Variants in GBE1 observed in about 807,000 individuals in gnomAD.
GBE1 encodes the protein 1,4-alpha-glucan branching enzyme 1, also known as 1,4-alpha-glucan-branching enzyme.
A neutral mutation model predicts 88.8 loss-of-function variants in GBE1; 70 were observed. The observed-to-expected ratio is 0.79, with a 90% CI of 0.65 to 0.96. GBE1 has a LOEUF of 0.96. Among genes scored for constraint, GBE1 ranks in the 40% least tolerant of loss-of-function variants. The pLI, the probability that GBE1 is intolerant of heterozygous loss-of-function variation, is 0.00. For missense variants in GBE1, 872 were observed against 871.0 expected, an observed-to-expected ratio of 1.00 and a Z score of -0.01; for synonymous variants, 284 against 300.1, an observed-to-expected ratio of 0.95 and a Z score of 0.56.
At chr3:81,594,664 C>T (rs1301132591) in intron 7 of GBE1, among the ~76,000 whole-genome samples, 1 of 151,884 alleles carries the variant, frequency 6.6e-6, no homozygotes, top group Admixed American at 6.6e-5. Context: ...AACCTAATTA[C>T]CAAAAACCAC....
intron 7 of GBE1, among the ~76,000 whole-genome samples, chr3:81,624,631 CT>C (rs1704378117): frequency 6.6e-6 from 1 of 151,996 alleles, no homozygotes; most frequent in African/African-American, 2.4e-5. Context: ...AACTTTTGGA[CT>C]TTAGATGTGA....
chr3:81,497,033 C>G (rs1415227497), intron 15 of GBE1, among the ~76,000 whole-genome samples: 3 of 152,176 alleles, frequency 2.0e-5, no homozygotes, highest in African/African-American at 7.2e-5. Flanking sequence ...CTATGTATTA[C>G]TGATACTTAT....
intron 12 of GBE1, among the ~76,000 whole-genome samples, chr3:81,554,276 A>C (rs939685499): frequency 2.0e-5 from 3 of 152,238 alleles, no homozygotes; most frequent in African/African-American, 7.2e-5. Flanking sequence ...TTGCTAATGG[A>C]GAACCTTGTA....
intron 7 of GBE1, among the ~76,000 whole-genome samples, chr3:81,621,849 A>C (rs2107014517): frequency 6.6e-6 from 1 of 152,250 alleles, no homozygotes. Flanking sequence ...CTTTCACTGG[A>C]TGGTCTTGCC....
At chr3:81,622,035 T>G (rs1704340442) in intron 7 of GBE1, among the ~76,000 whole-genome samples, 1 of 152,310 alleles carries the variant, frequency 6.6e-6, no homozygotes, top group South Asian at 2.1e-4. Context: ...AACTATCACC[T>G]ACCTTAAAAG....
chr3:81,518,124 T>C (rs932898420), intron 14 of GBE1, among the ~76,000 whole-genome samples: 2 of 151,430 alleles, frequency 1.3e-5, no homozygotes, highest in Non-Finnish European at 3.0e-5. Flanking sequence ...ATACTATTAC[T>C]AGGTGATTAT....
At chr3:81,597,043 GA>G (rs1703965787) in intron 7 of GBE1, among the ~76,000 whole-genome samples, 1 of 151,926 alleles carries the variant, frequency 6.6e-6, no homozygotes, top group South Asian at 2.1e-4. Context: ...GATTGTGACT[GA>G]ATTAGAAATA....
At chr3:81,613,510 C>A (rs1268264356) in intron 7 of GBE1, among the ~76,000 whole-genome samples, 1 of 151,752 alleles carries the variant, frequency 6.6e-6, no homozygotes, top group African/African-American at 2.4e-5. Flanking sequence ...TTAGCATATA[C>A]CAACATGTAT....
intron 7 of GBE1, among the ~76,000 whole-genome samples, chr3:81,599,325 CGT>C (rs144404903): frequency 1.3e-5 from 2 of 150,702 alleles, no homozygotes; most frequent in Non-Finnish European, 3.0e-5. Flanking sequence ...TGCTTGTGTG[CGT>C]GTGTGTGTGT....
At chr3:81,713,703 ATGT>A (rs2107180129) in intron 1 of GBE1, among the ~76,000 whole-genome samples, 1 of 152,322 alleles carries the variant, frequency 6.6e-6, no homozygotes, top group South Asian at 2.1e-4. Context: ...TATTTTTAAA[ATGT>A]TGTAAATGTC....
chr3:81,511,161 T>A (rs558034332), intron 14 of GBE1, among the ~76,000 whole-genome samples: 2 of 152,076 alleles, frequency 1.3e-5, no homozygotes, highest in South Asian at 2.1e-4. Flanking sequence ...CCTTTCACCA[T>A]ATACAAAAAT....
chr3:81,671,128 T>C (rs191405286), intron 2 of GBE1, 175 bp from the exon 3 acceptor site: 14 of 403,942 alleles, frequency 3.5e-5, no homozygotes, highest in Admixed American at 1.8e-4. Flanking sequence ...TTATTCTTAA[T>C]TTATTTATAA....
rs114108023 is a variant in GBE1 at position 81,619,919 on chromosome 3, C to T, written c.992+22862G>A. Among the ~76,000 whole-genome samples, 11 of 150,872 alleles carry T rather than the reference C, an allele frequency of 7.3e-5. No homozygotes were observed. In the South Asian group the frequency reaches 2.1e-3, roughly 29 times the overall value. On this transcript the variant is annotated intron_variant, in intron 7 of 15. Coordinates refer to ENST00000429644, the MANE Select transcript of GBE1 (RefSeq NM_000158.4). ...TTTTGTAGATCTCTTAGAGTAAAAC[C>T]TTTTCATAGCAAGTTAAAAAACGTA...
intron 1 of GBE1, among the ~76,000 whole-genome samples, chr3:81,736,400 A>G (rs187185004): frequency 6.6e-6 from 1 of 152,316 alleles, no homozygotes; most frequent in East Asian, 1.9e-4. Flanking sequence ...TGAAGTTAAC[A>G]CATTAAATCC....
chr3:81,738,364 C>T lies in GBE1; in HGVS notation c.143+23011G>A, dbSNP rs1298492667. Among the ~76,000 whole-genome samples the T allele has an allele frequency of 3.6e-4, 55 of 151,278 alleles. 1 individual carries two copies. Among genetic ancestry groups the T allele is most frequent in the Admixed American group, 3.6e-3 (55 of 15,154 alleles). On this transcript the variant is annotated intron_variant, in intron 1 of 15. Coordinates refer to ENST00000429644, the MANE Select transcript of GBE1 (RefSeq NM_000158.4). ...CAATGGTTGAACTAGTTTACAGTCC[C>T]ACCAACAGTGTAAAAGTGTTCCTAT... is the stretch of plus-strand genomic sequence containing the variant.
At chr3:81,639,350 T>TTAA (rs1553687943) in intron 7 of GBE1, among the ~76,000 whole-genome samples, 4 of 151,558 alleles carry the variant, frequency 2.6e-5, no homozygotes, top group Non-Finnish European at 5.9e-5. Context: ...TATTTTTTTT[T>TTAA]AAAAAAAATG....
At chr3:81,707,396 A>G (rs904481785) in intron 1 of GBE1, among the ~76,000 whole-genome samples, 8 of 152,016 alleles carry the variant, frequency 5.3e-5, no homozygotes, top group Non-Finnish European at 7.4e-5. Flanking sequence ...CAATGACACT[A>G]ATGAACCATT....
At chr3:81,688,571 A>T (rs1012940717) in intron 2 of GBE1, among the ~76,000 whole-genome samples, 1 of 152,198 alleles carries the variant, frequency 6.6e-6, no homozygotes, top group African/African-American at 2.4e-5. Context: ...TCTTTTAATA[A>T]GACTCCATTA....
At chr3:81,703,906 T>C (rs1705736054) in intron 2 of GBE1, among the ~76,000 whole-genome samples, 1 of 152,022 alleles carries the variant, frequency 6.6e-6, no homozygotes, top group East Asian at 1.9e-4. Context: ...AAGATGTGCC[T>C]AGGTTATATG....
Sources: gnomAD v4.1 joint callset for allele counts (sites outside exome capture counted in the v4.1 genomes callset) on GRCh38, gnomAD v4.1.1 for gene constraint, MANE v1.5 for transcripts, NCBI Gene and HGNC (gene_info 2026-07-23, HGNC 2026-07-21) for gene names.